ANKRD28: variants seen among roughly 807,000 people sequenced by gnomAD.
ANKRD28 encodes ankyrin repeat domain 28, also known as serine/threonine-protein phosphatase 6 regulatory ankyrin repeat subunit A.
A neutral mutation model predicts 126.5 loss-of-function variants in ANKRD28; 44 were observed. The ratio of observed to expected loss-of-function variants is 0.35; its 90% confidence interval spans 0.27 to 0.45. The LOEUF is 0.45. Among genes scored for constraint, ANKRD28 ranks in the 20% least tolerant of loss-of-function variants. The pLI, the probability that ANKRD28 is intolerant of heterozygous loss-of-function variation, is 1.00. For missense variants in ANKRD28, 1,110 were observed against 1,316.6 expected (o/e 0.84, Z 2.43); for synonymous variants, 442 against 468.5 (o/e 0.94, Z 0.73).
chr3:15,714,525 C>T (rs1373258764), intron 9 of ANKRD28, 53 bp downstream of exon 9: 4 of 1,009,904 alleles, frequency 4.0e-6, no homozygotes, highest in East Asian at 3.6e-5. Context: ...GTTTTTACTA[C>T]ATTTAAGAAA....
intron 21 of ANKRD28, chr3:15,683,595 T>C (rs1416655205): frequency 6.6e-6 from 1 of 152,230 alleles, no homozygotes; most frequent in Non-Finnish European, 1.5e-5. Flanking sequence ...CAAGTTTTTA[T>C]GGTGCTATCA....
At chr3:15,742,418 A>G (rs2057118517) in intron 4 of ANKRD28, among the ~76,000 whole-genome samples, 2 of 132,782 alleles carry the variant, frequency 1.5e-5, no homozygotes, top group Non-Finnish European at 3.2e-5. Context: ...AAGCGCCTCT[A>G]CCTGGCCGCG....
intron 18 of ANKRD28, among the ~76,000 whole-genome samples, chr3:15,688,962 T>C (rs1280467227): frequency 6.6e-6 from 1 of 152,234 alleles, no homozygotes; most frequent in East Asian, 1.9e-4. Flanking sequence ...AAATAACTTC[T>C]ACCAGAAAGA....
intron 2 of ANKRD28, among the ~76,000 whole-genome samples, chr3:15,770,067 T>C (rs891164937): frequency 9.2e-5 from 14 of 151,934 alleles, no homozygotes; most frequent in African/African-American, 3.1e-4. Flanking sequence ...ATGTACCTTA[T>C]AGGCACTAGA....
intron 1 of ANKRD28, among the ~76,000 whole-genome samples, chr3:15,804,963 G>T (rs1559558854): frequency 6.9e-6 from 1 of 145,022 alleles, no homozygotes; most frequent in South Asian, 2.3e-4. Context: ...TATAATGGGG[G>T]ACTAGAAGAA....
chr3:15,733,200 T>C (rs2074774828), intron 6 of ANKRD28: 1 of 152,164 alleles, frequency 6.6e-6, no homozygotes, highest in African/African-American at 2.4e-5. Flanking sequence ...TCTCCAGTAT[T>C]ACATGTTTGC....
At chr3:15,766,471 A>G (rs1447469490) in intron 2 of ANKRD28, among the ~76,000 whole-genome samples, 159 bp from the exon 3 acceptor site, 1 of 152,160 alleles carries the variant, frequency 6.6e-6, no homozygotes, top group African/African-American at 2.4e-5. Flanking sequence ...GTCCCAATAA[A>G]ATAAAAGGAT....
chr3:15,775,471 G>A (rs1160493070), intron 2 of ANKRD28, among the ~76,000 whole-genome samples: 1 of 152,130 alleles, frequency 6.6e-6, no homozygotes, highest in Non-Finnish European at 1.5e-5. Flanking sequence ...AGATCTCAAA[G>A]TGAGTGCTCA....
chr3:15,847,099 T>C (rs1028701806), intron 1 of ANKRD28, among the ~76,000 whole-genome samples: 4 of 152,176 alleles, frequency 2.6e-5, no homozygotes, highest in African/African-American at 4.8e-5. Flanking sequence ...GCAGGTCTAA[T>C]AGGATCCCAA....
intron 21 of ANKRD28, among the ~76,000 whole-genome samples, chr3:15,682,439 TATC>T (rs1157933410): frequency 6.6e-6 from 1 of 152,168 alleles, no homozygotes; most frequent in Non-Finnish European, 1.5e-5. Flanking sequence ...CATAACTTTC[TATC>T]ATCATTTATG....
intron 3 of ANKRD28, among the ~76,000 whole-genome samples, chr3:15,752,678 C>T (rs2057928055): frequency 6.6e-6 from 1 of 152,022 alleles, no homozygotes. Flanking sequence ...GATTTATATC[C>T]CAAATCCTAA....
intron 14 of ANKRD28, among the ~76,000 whole-genome samples, chr3:15,703,557 C>G (rs1310666928): frequency 1.3e-5 from 2 of 152,204 alleles, no homozygotes; most frequent in Non-Finnish European, 2.9e-5. Context: ...AGGAAGTGGG[C>G]CTTCTCCAGA....
intron 2 of ANKRD28, among the ~76,000 whole-genome samples, chr3:15,770,413 C>CAT (rs56802776): frequency 0.11 from 16,784 of 147,030 alleles, 1,566 homozygotes; most frequent in East Asian, 0.57. Context: ...CATATATATA[C>CAT]ATATATATAT....
chr3:15,730,620 CT>C (rs1256064735), intron 6 of ANKRD28, among the ~76,000 whole-genome samples: 3 of 152,202 alleles, frequency 2.0e-5, no homozygotes, highest in African/African-American at 7.2e-5. Flanking sequence ...TAGCTTCTTA[CT>C]TTCACATATT....
rs1559598431 is a variant in ANKRD28, at chr3:15,850,255, AGAG to A, written c.27+9119_27+9121del. The stretch of plus-strand genomic sequence containing the variant: ...GAGAGAGAGAGAGAGAGAGAGAGAG[AGAG>A]AGAGAAAGTTGAAATCCTACCTCAT... On this transcript the variant is annotated intron_variant, in intron 1 of 27. Transcript: ENST00000399451. Among the ~76,000 whole-genome samples, 250 of 142,036 alleles carry A rather than the reference AGAG, an allele frequency of 1.8e-3. 6 individuals carry two copies. The highest frequency in any genetic ancestry group is 4.7e-3 in the African/African-American group (184 of 39,044). 93.2% of individuals were successfully genotyped at this position (142,036 alleles called of 152,430 possible).
At chr3:15,800,477 T>C (rs1233772125), upstream of ANKRD28, among the ~76,000 whole-genome samples, 2 of 152,142 alleles carry the variant, frequency 1.3e-5, no homozygotes, top group African/African-American at 2.4e-5. Flanking sequence ...AGCTGAATGA[T>C]ATCCCTTGTG....
chr3:15,722,150 G>A (rs1267991650), intron 7 of ANKRD28, among the ~76,000 whole-genome samples: 1 of 152,156 alleles, frequency 6.6e-6, no homozygotes, highest in African/African-American at 2.4e-5. Flanking sequence ...CCTGGCTTCA[G>A]GGAGGTAGGT....
intron 13 of ANKRD28, among the ~76,000 whole-genome samples, chr3:15,709,338 A>G (rs1215068068): frequency 1.3e-5 from 2 of 152,086 alleles, no homozygotes; most frequent in Non-Finnish European, 2.9e-5. Context: ...TTTTCTAGGT[A>G]TTGTGAGTTT....
intron 2 of ANKRD28, among the ~76,000 whole-genome samples, chr3:15,783,321 T>C (rs971619817): frequency 1.3e-5 from 2 of 151,932 alleles, no homozygotes; most frequent in African/African-American, 2.4e-5. Context: ...TAAGACCAAA[T>C]TGAGATATTA....
Sources: gnomAD v4.1 joint callset for allele counts (sites outside exome capture counted in the v4.1 genomes callset) on GRCh38, gnomAD v4.1.1 for gene constraint, MANE v1.5 for transcripts, NCBI Gene and HGNC (gene_info 2026-07-23, HGNC 2026-07-21) for gene names.